The following SGIP1 variants were observed in gnomAD, a reference collection of about 807,000 sequenced individuals.
SGIP1 encodes SH3-containing GRB2-like protein 3-interacting protein 1.
In SGIP1, 38 loss-of-function variants were observed where a neutral mutation model predicts 107.5. The observed-to-expected ratio is 0.35, with a 90% confidence interval of 0.27 to 0.46. The LOEUF is 0.46. SGIP1 is among the 20% of genes least tolerant of loss of function. SGIP1 has a pLI of 1.00. For missense variants in SGIP1, 929 were observed against 1,019.5 expected (o/e 0.91, Z 1.21); for synonymous variants, 365 against 366.1 (o/e 1.00, Z 0.03).
chr1:66,600,484 G>T (rs963795130), intron 1 of SGIP1, among the ~76,000 whole-genome samples: 1 of 152,182 alleles, frequency 6.6e-6, no homozygotes, highest in Non-Finnish European at 1.5e-5. Flanking sequence ...CCACCTAAAG[G>T]ATGCTACCAA....
At chr1:66,720,314 A>G (rs1057497524) in intron 19 of SGIP1, among the ~76,000 whole-genome samples, 1 of 152,230 alleles carries the variant, frequency 6.6e-6, no homozygotes, top group Admixed American at 6.5e-5. Context: ...CAATAGTGTC[A>G]TTAATATAAT....
rs773766097 is a variant in SGIP1, at chr1:66,633,021, G to A, written c.75-49G>A. 5 of 1,231,042 alleles carry A rather than the reference G, an allele frequency of 4.1e-6. No homozygotes were observed. The South Asian group carries it at 6.1e-5, about 15-fold the overall frequency. 76.3% of individuals were successfully genotyped at this position (1,231,042 alleles called of 1,614,324 possible). ...TTACTGTTGTACTTTAGTCTATGTG[G>A]CAAGAATGATTCCTTATCATAATAG... On this transcript the variant is annotated intron_variant, in intron 2 of 24. Transcript: ENST00000371037.
At chr1:66,706,414 A>G (rs905987174) in intron 18 of SGIP1, among the ~76,000 whole-genome samples, 5 of 145,886 alleles carry the variant, frequency 3.4e-5, no homozygotes, top group African/African-American at 1.2e-4. Flanking sequence ...TATAAAATAA[A>G]TATATATGAT....
At chr1:66,662,109 A>G (rs1341556015) in intron 8 of SGIP1, among the ~76,000 whole-genome samples, 2 of 152,212 alleles carry the variant, frequency 1.3e-5, no homozygotes, top group African/African-American at 2.4e-5. Flanking sequence ...TGGCAAATTA[A>G]TGCTTGCCAA....
At chr1:66,586,026 T>C (rs368028221) in intron 1 of SGIP1, among the ~76,000 whole-genome samples, 1 of 152,226 alleles carries the variant, frequency 6.6e-6, no homozygotes, top group Non-Finnish European at 1.5e-5. Flanking sequence ...GTTGCACATA[T>C]TCTGCAGCTC....
intron 17 of SGIP1, chr1:66,695,131 C>A (rs1325267): frequency 1.7e-5 from 8 of 464,480 alleles, no homozygotes; most frequent in Admixed American, 1.5e-4. Context: ...AATATGCTGA[C>A]GCCCCTGCAT....
chr1:66,559,282 T>C (rs968316760), intron 1 of SGIP1, among the ~76,000 whole-genome samples: 1 of 152,116 alleles, frequency 6.6e-6, no homozygotes, highest in African/African-American at 2.4e-5. Flanking sequence ...GGTAGCAAGC[T>C]GACAGGCTTG....
intron 1 of SGIP1, among the ~76,000 whole-genome samples, chr1:66,539,139 T>C (rs1006560702): frequency 3.3e-5 from 5 of 151,870 alleles, no homozygotes; most frequent in Non-Finnish European, 5.9e-5. Flanking sequence ...TCTAAAGGAG[T>C]TGGAAGAGAG....
chr1:66,594,203 A>G (rs999673618), intron 1 of SGIP1, among the ~76,000 whole-genome samples: 14 of 145,642 alleles, frequency 9.6e-5, no homozygotes, highest in African/African-American at 3.3e-4. Context: ...AAAAAAATAT[A>G]AACTTTTTTT....
intron 7 of SGIP1, among the ~76,000 whole-genome samples, chr1:66,656,499 C>T (rs971649228): frequency 6.6e-6 from 1 of 152,176 alleles, no homozygotes; most frequent in Admixed American, 6.5e-5. Context: ...TCACCACAAG[C>T]ACATGGGTAA....
At chr1:66,721,801 TTGTC>T (rs1488343045) in intron 19 of SGIP1, among the ~76,000 whole-genome samples, 11 of 152,176 alleles carry the variant, frequency 7.2e-5, no homozygotes, top group Admixed American at 7.2e-4. Flanking sequence ...GAATTCATCT[TTGTC>T]TGCTTCCTAA....
chr1:66,741,771 A>ATTT (rs71590351), intron 24 of SGIP1, among the ~76,000 whole-genome samples: 27 of 146,820 alleles, frequency 1.8e-4, no homozygotes, highest in Admixed American at 5.4e-4. Flanking sequence ...ATTTTTATTT[A>ATTT]TTTTTTTTTT....
At chr1:66,703,880 G>A (rs201729672) in intron 18 of SGIP1, among the ~76,000 whole-genome samples, 23,684 of 151,648 alleles carry the variant, frequency 0.16, 1,984 homozygotes, top group East Asian at 0.28. Context: ...AACTCTGTGT[G>A]TGTGTGTGTG....
chr1:66,592,851 T>G (rs2063867782), intron 1 of SGIP1, among the ~76,000 whole-genome samples: 1 of 151,024 alleles, frequency 6.6e-6, no homozygotes, highest in African/African-American at 2.4e-5. Flanking sequence ...GTATGTAGCC[T>G]TGCCTTTCCT....
intron 1 of SGIP1, among the ~76,000 whole-genome samples, chr1:66,571,660 G>C (rs1306472636): frequency 6.6e-6 from 1 of 151,990 alleles, no homozygotes; most frequent in Non-Finnish European, 1.5e-5. Flanking sequence ...AAAATAATCT[G>C]CAAGTTCTCT....
chr1:66,613,766 T>A (rs925706365), intron 1 of SGIP1, among the ~76,000 whole-genome samples: 8 of 152,208 alleles, frequency 5.3e-5, no homozygotes, highest in African/African-American at 1.9e-4. Flanking sequence ...ATGACTAAAG[T>A]GGGTAACAGT....
At chr1:66,581,588 T>C (rs999158367) in intron 1 of SGIP1, among the ~76,000 whole-genome samples, 1 of 152,074 alleles carries the variant, frequency 6.6e-6, no homozygotes, top group African/African-American at 2.4e-5. Flanking sequence ...AATCCATCTC[T>C]ATAAAAATAA....
intron 1 of SGIP1, among the ~76,000 whole-genome samples, chr1:66,604,061 C>T (rs1237955742): frequency 7.2e-5 from 11 of 152,032 alleles, no homozygotes; most frequent in African/African-American, 2.4e-4. Context: ...TATGAATCCC[C>T]GTTATATGTG....
intron 15 of SGIP1, chr1:66,684,234 G>A (rs2087631479): frequency 1.3e-5 from 20 of 1,549,740 alleles, no homozygotes; most frequent in Non-Finnish European, 1.5e-5. Flanking sequence ...TGCTCTCCAG[G>A]CACTTTTGTA....
Sources: allele counts gnomAD v4.1 joint callset (sites outside exome capture counted in the v4.1 genomes callset), GRCh38; gene constraint gnomAD v4.1.1; transcripts MANE v1.5; gene names NCBI Gene and HGNC (gene_info 2026-07-23, HGNC 2026-07-21).